The following FRMD4A variants were observed in gnomAD, a reference collection of about 807,000 sequenced individuals.
The protein encoded by FRMD4A is FERM domain-containing protein 4A.
In FRMD4A, 29 loss-of-function variants were observed where a neutral mutation model predicts 129.1. The ratio of observed to expected loss-of-function variants is 0.22; its 90% CI spans 0.17 to 0.31. FRMD4A has a LOEUF of 0.31. Ranked by LOEUF, FRMD4A falls within the 10% of genes least tolerant of loss-of-function variation. The pLI, the probability that FRMD4A is intolerant of heterozygous loss-of-function variation, is 1.00. For synonymous variants in FRMD4A, 634 were observed against 571.6 expected, an observed-to-expected ratio of 1.11 and a Z score of -1.56; for missense variants, 1,272 against 1,375.8, an observed-to-expected ratio of 0.92 and a Z score of 1.19.
At chr10:14,102,175 C>T (rs562684019) in intron 2 of FRMD4A, among the ~76,000 whole-genome samples, 1 of 152,274 alleles carries the variant, frequency 6.6e-6, no homozygotes, top group South Asian at 2.1e-4. Context: ...CCTAAGGTTT[C>T]CTCACCAGCT....
At chr10:14,326,241 G>A (rs539554954) in intron 2 of FRMD4A, 2 of 152,286 alleles carry the variant, frequency 1.3e-5, no homozygotes, top group African/African-American at 4.8e-5. Context: ...AGAAAGACAG[G>A]ATTCCTCACC....
At chr10:14,112,304 T>C (rs997548194) in intron 2 of FRMD4A, among the ~76,000 whole-genome samples, 7 of 135,336 alleles carry the variant, frequency 5.2e-5, no homozygotes, top group African/African-American at 1.4e-4. Flanking sequence ...ACATGATTAA[T>C]GTGGCATTTT....
chr10:14,250,235 A>G (rs1844389174), intron 2 of FRMD4A, among the ~76,000 whole-genome samples: 1 of 152,200 alleles, frequency 6.6e-6, no homozygotes, highest in Non-Finnish European at 1.5e-5. Flanking sequence ...TGCTGGGATT[A>G]CAGGTGTAAG....
intron 17 of FRMD4A, among the ~76,000 whole-genome samples, chr10:13,668,953 T>C (rs2083282352): frequency 6.6e-6 from 1 of 151,772 alleles, no homozygotes. Context: ...AAGTACTGAG[T>C]GACGTGTTTT....
chr10:13,668,798 T>C (rs2083270365), intron 17 of FRMD4A, among the ~76,000 whole-genome samples: 3 of 152,196 alleles, frequency 2.0e-5, no homozygotes, highest in African/African-American at 7.2e-5. Context: ...AGTTCCTCCC[T>C]AGAGTGGCTC....
chr10:13,683,254 T>C (rs1326211), intron 15 of FRMD4A, among the ~76,000 whole-genome samples: 152,202 of 152,242 alleles, frequency 1, 76,081 homozygotes, highest in Non-Finnish European at 1. Flanking sequence ...ATGCATCCAG[T>C]GCTCAGACCT....
rs751968748 is a variant in FRMD4A at position 13,660,519 on chromosome 10, T to A, written c.1695A>T (p.Leu565=). ...DSQVTSTISP[L]HSPHKGLPPR... ...GAGGGAGTCCCTTGTGAGGAGAATG[T>A]AGGGGGGATATTGTGCTGGTAACCT... Residue 565 remains leucine (L), a synonymous_variant, in exon 20 of 25, where the codon CTA becomes CTT. Coordinates refer to ENST00000357447, the MANE Select transcript of FRMD4A (RefSeq NM_018027.5). The A allele has an allele frequency of 7.4e-6, 12 of 1,612,758 alleles. No individual in the cohort carries two copies. Among genetic ancestry groups the A allele is most frequent in the African/African-American group, 1.3e-5 (1 of 74,888 alleles).
intron 2 of FRMD4A, among the ~76,000 whole-genome samples, chr10:14,153,135 T>G (rs1840426436): frequency 6.6e-6 from 1 of 152,180 alleles, no homozygotes; most frequent in Non-Finnish European, 1.5e-5. Context: ...TGCAGAGGGC[T>G]TTTCCCATTT....
At chr10:14,267,492 C>A (rs1240625171) in intron 2 of FRMD4A, among the ~76,000 whole-genome samples, 1 of 152,176 alleles carries the variant, frequency 6.6e-6, no homozygotes, top group Non-Finnish European at 1.5e-5. Flanking sequence ...CAGGTCTGTC[C>A]AATTTCAAGG....
chr10:13,894,690 C>T (rs370354700), intron 2 of FRMD4A, among the ~76,000 whole-genome samples: 1 of 152,224 alleles, frequency 6.6e-6, no homozygotes, highest in African/African-American at 2.4e-5. Context: ...GTAGCTGGCT[C>T]CTGGTCGTCT....
At chr10:13,884,154 T>A (rs11258698) in intron 2 of FRMD4A, among the ~76,000 whole-genome samples, 92,078 of 110,748 alleles carry the variant, frequency 0.83, 38,244 homozygotes, top group Non-Finnish European at 0.88. Context: ...TCTCACACAC[T>A]CTCACACACA....
intron 2 of FRMD4A, among the ~76,000 whole-genome samples, chr10:14,010,662 G>GTTTTTTTTTTTTTTTTT (rs1404083388): frequency 1.5e-5 from 1 of 66,496 alleles, no homozygotes; most frequent in South Asian, 6.3e-4. Context: ...TCGAGTTTAG[G>GTTTTTTTTTTTTTTTTT]TCTTTTTTTT....
chr10:14,009,068 G>A (rs1588757314), intron 2 of FRMD4A, among the ~76,000 whole-genome samples: 3 of 152,276 alleles, frequency 2.0e-5, no homozygotes, highest in African/African-American at 7.2e-5. Flanking sequence ...CGTTTTACAC[G>A]GCTGTGTCGA....
chr10:13,693,791 C>T, intron 15 of FRMD4A, 107 bp downstream of exon 15: 1 of 1,175,832 alleles, frequency 8.5e-7, no homozygotes, highest in Non-Finnish European at 1.2e-6. Flanking sequence ...AGCTTTGGAG[C>T]AGCTTGCCCT....
intron 4 of FRMD4A, among the ~76,000 whole-genome samples, chr10:13,797,852 GA>G (rs1475635790): frequency 6.6e-6 from 1 of 151,500 alleles, no homozygotes; most frequent in African/African-American, 2.4e-5. Flanking sequence ...AAAGGAAAGA[GA>G]GAAAACACAC....
intron 2 of FRMD4A, among the ~76,000 whole-genome samples, chr10:14,080,154 C>A (rs1185234106): frequency 6.6e-6 from 1 of 152,180 alleles, no homozygotes; most frequent in Non-Finnish European, 1.5e-5. Context: ...CAGCCCCTGG[C>A]AGCACATGAA....
At chr10:14,136,638 C>T (rs1293272080) in intron 2 of FRMD4A, among the ~76,000 whole-genome samples, 1 of 152,190 alleles carries the variant, frequency 6.6e-6, no homozygotes, top group East Asian at 1.9e-4. Context: ...CTCTTATCTA[C>T]CTATGACCTG....
intron 2 of FRMD4A, among the ~76,000 whole-genome samples, chr10:14,153,573 A>G (rs1423974467): frequency 6.6e-6 from 1 of 152,162 alleles, no homozygotes; most frequent in Non-Finnish European, 1.5e-5. Flanking sequence ...CAGTGTGTAG[A>G]GTATGGAGTC....
At position 13,810,873 on chromosome 10, in the gene FRMD4A, C is replaced by T; in HGVS notation, c.147G>A (p.Val49=). Residue 49 remains valine (V), a synonymous_variant, in exon 4 of 25, where the codon GTG becomes GTA. Transcript: ENST00000357447. ...TTTCCTTCAGATTGAAGTGAGAAGC[C>T]ACAAGGTCAAGAAGCTCCTTGGCCA... The part of the protein sequence containing the change: ...KLLAKELLDL[V]ASHFNLKEKE... The T allele has an allele frequency of 1.2e-6, 2 of 1,605,558 alleles. No homozygotes were observed. Among genetic ancestry groups the T allele is most frequent in the Non-Finnish European group, 1.7e-6 (2 of 1,173,026 alleles).
Sources: allele counts gnomAD v4.1 joint callset (sites outside exome capture counted in the v4.1 genomes callset), GRCh38; gene constraint gnomAD v4.1.1; transcripts MANE v1.5; gene names NCBI Gene and HGNC (gene_info 2026-07-23, HGNC 2026-07-21).